TAS2R1: variants seen among roughly 807,000 people sequenced by gnomAD.
The protein encoded by TAS2R1 is taste 2 receptor member 1.
For synonymous variants in TAS2R1, 141 were observed against 134.2 expected, an observed-to-expected ratio of 1.05 and a Z score of -0.35; for missense variants, 370 against 353.4, an observed-to-expected ratio of 1.05 and a Z score of -0.38.
intron 1 of TAS2R1, among the ~76,000 whole-genome samples, chr5:9,700,162 CACT>C (rs1166661817): frequency 6.6e-6 from 1 of 152,156 alleles, no homozygotes; most frequent in African/African-American, 2.4e-5. Flanking sequence ...TCCATTCCAC[CACT>C]GTCTTTTCAT....
In TAS2R1 at chr5:9,629,931, G is replaced by C. The variant is rs1410361590; in HGVS notation, c.102C>G (p.Asp34Glu). The C allele has an allele frequency of 6.2e-7, 1 of 1,613,734 alleles. No homozygotes were observed. The highest frequency in any genetic ancestry group is 1.3e-5 in the African/African-American group (1 of 74,866). Residue 34 changes from aspartate to glutamate, a missense_variant, in exon 1 of 1, where the codon GAC becomes GAG. By Grantham distance (45) the Asp-to-Glu change is conservative. Coordinates refer to ENST00000382492, the MANE Select transcript of TAS2R1 (RefSeq NM_019599.3). ...GAGCCATTTTTCTGTGCTTGATCAA[G>C]TCAATGCCATTCACCACCACAATGA... ...NGIIVVVNGI[D>E]LIKHRKMAPL...
the TAS2R1 span, among the ~76,000 whole-genome samples, chr5:9,729,270 G>A: frequency 6.2e-4 from 95 of 152,286 alleles, no homozygotes; most frequent in African/African-American, 2.1e-3. Context: ...CAGCCTCTAT[G>A]GGGGAGGACG....
the TAS2R1 span, among the ~76,000 whole-genome samples, chr5:9,755,599 A>AG: frequency 1.3e-5 from 2 of 151,864 alleles, no homozygotes; most frequent in Admixed American, 6.6e-5. Flanking sequence ...AAAAAAAAAA[A>AG]AAAAAAGAAA....
chr5:9,849,713 C>T, the TAS2R1 span, among the ~76,000 whole-genome samples: 22 of 152,302 alleles, frequency 1.4e-4, no homozygotes, highest in African/African-American at 4.8e-4. Context: ...CTAAATACTA[C>T]CTGGTCCACT....
chr5:9,656,124 C>T (rs987088798), intron 2 of TAS2R1, among the ~76,000 whole-genome samples: 2 of 152,190 alleles, frequency 1.3e-5, no homozygotes, highest in African/African-American at 4.8e-5. Flanking sequence ...GGCAATGCTA[C>T]AGTCCAAGTG....
upstream of TAS2R1, among the ~76,000 whole-genome samples, chr5:9,633,313 T>TATATATATATA (rs1254101852): frequency 7.8e-6 from 1 of 128,990 alleles, no homozygotes; most frequent in African/African-American, 3.4e-5. Flanking sequence ...TATATATATA[T>TATATATATATA]ATATATACAC....
chr5:9,745,459 A>G, the TAS2R1 span, among the ~76,000 whole-genome samples: 1 of 152,146 alleles, frequency 6.6e-6, no homozygotes, highest in Admixed American at 6.5e-5. Context: ...AGCATAGCCA[A>G]GACAATACTA....
At chr5:9,683,831 C>T (rs1200001941) in intron 1 of TAS2R1, among the ~76,000 whole-genome samples, 2 of 152,186 alleles carry the variant, frequency 1.3e-5, no homozygotes, top group African/African-American at 4.8e-5. Context: ...GTGTAGATGC[C>T]TCAGCCTCTG....
chr5:9,654,805 G>C (rs1740377428), intron 2 of TAS2R1, among the ~76,000 whole-genome samples: 1 of 152,308 alleles, frequency 6.6e-6, no homozygotes, highest in African/African-American at 2.4e-5. Context: ...CCTTACTGGT[G>C]AGACTGAAAA....
the TAS2R1 span, among the ~76,000 whole-genome samples, chr5:9,896,835 G>A: frequency 6.6e-6 from 1 of 152,088 alleles, no homozygotes; most frequent in Non-Finnish European, 1.5e-5. Context: ...AACACAGCAG[G>A]ACTTGCTAAA....
the TAS2R1 span, among the ~76,000 whole-genome samples, chr5:9,820,317 C>T: frequency 1.5e-4 from 23 of 152,278 alleles, no homozygotes; most frequent in African/African-American, 5.5e-4. Flanking sequence ...GAAACCCCTG[C>T]CATACCCAGG....
the TAS2R1 span, among the ~76,000 whole-genome samples, chr5:9,830,980 T>C: frequency 2.0e-5 from 3 of 152,188 alleles, no homozygotes; most frequent in South Asian, 2.1e-4. Context: ...TAAAAAATCA[T>C]CTCATGCTTG....
At chr5:9,850,420 G>C in the TAS2R1 span, among the ~76,000 whole-genome samples, 1 of 152,236 alleles carries the variant, frequency 6.6e-6, no homozygotes, top group Non-Finnish European at 1.5e-5. Flanking sequence ...GCTTGCTTTT[G>C]TGAGGTATTA....
chr5:9,851,361 T>C, the TAS2R1 span, among the ~76,000 whole-genome samples: 2 of 152,154 alleles, frequency 1.3e-5, no homozygotes, highest in Non-Finnish European at 2.9e-5. Flanking sequence ...TGGTGTACAT[T>C]ACAAATTTAA....
chr5:9,805,819 C>T, the TAS2R1 span, among the ~76,000 whole-genome samples: 5 of 152,068 alleles, frequency 3.3e-5, no homozygotes, highest in African/African-American at 9.6e-5. Context: ...TGAAAGAATT[C>T]CCACTGAGAA....
the TAS2R1 span, among the ~76,000 whole-genome samples, chr5:9,759,372 C>T: frequency 6.6e-6 from 1 of 152,082 alleles, no homozygotes; most frequent in African/African-American, 2.4e-5. Context: ...AGGGCCTTTC[C>T]AGCTCCAAAG....
intron 1 of TAS2R1, among the ~76,000 whole-genome samples, chr5:9,709,049 A>G (rs1741678779): frequency 6.6e-6 from 1 of 152,152 alleles, no homozygotes; most frequent in Non-Finnish European, 1.5e-5. Flanking sequence ...ATGGAGGGAG[A>G]GCATTAGGAC....
upstream of TAS2R1, among the ~76,000 whole-genome samples, chr5:9,631,608 G>A (rs1201591959): frequency 2.0e-5 from 3 of 152,124 alleles, no homozygotes; most frequent in Non-Finnish European, 4.4e-5. Flanking sequence ...AACACTGGGG[G>A]AATTAAAGCT....
chr5:9,643,532 A>G (rs1013294762), intron 2 of TAS2R1, among the ~76,000 whole-genome samples: 3 of 152,176 alleles, frequency 2.0e-5, no homozygotes, highest in Non-Finnish European at 4.4e-5. Context: ...AAGGCGTAGG[A>G]CATTACCCTA....
Sources: gnomAD v4.1 joint callset for allele counts (sites outside exome capture counted in the v4.1 genomes callset) on GRCh38, gnomAD v4.1.1 for gene constraint, MANE v1.5 for transcripts, NCBI Gene and HGNC (gene_info 2026-07-23, HGNC 2026-07-21) for gene names.